Variants in THADA observed in about 807,000 individuals in gnomAD.
THADA encodes tRNA (32-2'-O)-methyltransferase regulator THADA.
In THADA, 213 loss-of-function variants were observed where a neutral mutation model predicts 219.8. That is an observed-to-expected ratio of 0.97 (90% confidence interval 0.87 to 1.09). THADA has a LOEUF of 1.09. Ranked by LOEUF, THADA falls within the 50% of genes least tolerant of loss-of-function variation. The probability of loss-of-function intolerance (pLI) is 0.00; values close to 1 mark genes in which losing one functional copy is unlikely to be tolerated. For missense variants in THADA, 2,956 were observed against 2,311.3 expected, an observed-to-expected ratio of 1.28 and a Z score of -5.72; for synonymous variants, 1,018 against 828.9, an observed-to-expected ratio of 1.23 and a Z score of -3.92.
chr2:43,286,609 T>C (rs932683053), intron 35 of THADA, among the ~76,000 whole-genome samples: 2 of 151,814 alleles, frequency 1.3e-5, no homozygotes, highest in Non-Finnish European at 2.9e-5. Flanking sequence ...GGTTTGGTGA[T>C]GGCTACTCAG....
intron 36 of THADA, among the ~76,000 whole-genome samples, chr2:43,256,971 G>C (rs1670381800): frequency 6.6e-6 from 1 of 152,184 alleles, no homozygotes; most frequent in Admixed American, 6.5e-5. Flanking sequence ...AATAGCTCAG[G>C]ATAGAGAGGA....
At chr2:43,293,299 T>C (rs1381603893) in intron 31 of THADA, 86 bp from the exon 32 acceptor site, 2 of 1,434,664 alleles carry the variant, frequency 1.4e-6, no homozygotes, top group Non-Finnish European at 1.9e-6. Flanking sequence ...CTGAATCCAC[T>C]GCGTGAGGCC....
intron 8 of THADA, among the ~76,000 whole-genome samples, chr2:43,581,055 AAG>A (rs1365888204): frequency 6.6e-6 from 1 of 152,218 alleles, no homozygotes; most frequent in Non-Finnish European, 1.5e-5. Context: ...ATGGGAGGTG[AAG>A]AGAGAAAGGA....
intron 36 of THADA, among the ~76,000 whole-genome samples, chr2:43,271,609 G>C (rs1288661109): frequency 1.4e-5 from 2 of 140,904 alleles, no homozygotes; most frequent in African/African-American, 5.6e-5. Context: ...TACACTCTTG[G>C]AACTTTTTTT....
rs184175853 is a variant in THADA at position 43,489,562 on chromosome 2, A to G, written c.3745-4237T>C. Among the ~76,000 whole-genome samples the G allele has an allele frequency of 3.9e-5, 6 of 152,258 alleles. No individual in the cohort carries two copies. The East Asian group carries it at 1.2e-3, about 29-fold the overall frequency. On this transcript the variant is annotated intron_variant, in intron 25 of 37. Coordinates refer to ENST00000405975, the MANE Select transcript of THADA (RefSeq NM_022065.5). ...ACATTTTGAGTCATCTGAATATGGT[A>G]TGAGATGGGGATCACATTCATTCTT...
At chr2:43,496,154 T>G (rs1003722092) in intron 25 of THADA, among the ~76,000 whole-genome samples, 1 of 152,180 alleles carries the variant, frequency 6.6e-6, no homozygotes, top group Non-Finnish European at 1.5e-5. Flanking sequence ...CTGCAGGTAA[T>G]GTATTAAGAT....
At chr2:43,590,644 C>CAAAAA (rs768406325) in intron 4 of THADA, among the ~76,000 whole-genome samples, 180 bp downstream of exon 4, 3 of 59,214 alleles carry the variant, frequency 5.1e-5, no homozygotes, top group Non-Finnish European at 6.7e-5. Flanking sequence ...GACTCCGTCT[C>CAAAAA]AAAAAAAAAA....
intron 29 of THADA, among the ~76,000 whole-genome samples, chr2:43,381,799 G>A (rs1259877259): frequency 1.3e-5 from 2 of 152,052 alleles, no homozygotes; most frequent in Non-Finnish European, 2.9e-5. Context: ...TGGCCATGCT[G>A]GTCTCAAACT....
intron 31 of THADA, among the ~76,000 whole-genome samples, chr2:43,301,361 C>T (rs1173152685): frequency 2.6e-5 from 4 of 152,240 alleles, no homozygotes; most frequent in African/African-American, 9.6e-5. Context: ...ATGAATGTTC[C>T]TGGCAGGCAG....
chr2:43,501,191 G>A (rs533874495), intron 24 of THADA, among the ~76,000 whole-genome samples: 7 of 149,772 alleles, frequency 4.7e-5, no homozygotes, highest in South Asian at 2.1e-4. Context: ...CTGTAATCCC[G>A]GCTACTCAGG....
chr2:43,482,652 A>G (rs1686373173), intron 26 of THADA, among the ~76,000 whole-genome samples: 1 of 152,176 alleles, frequency 6.6e-6, no homozygotes, highest in African/African-American at 2.4e-5. Flanking sequence ...TCATTAGGCA[A>G]TTATTCCTAT....
At chr2:43,509,572 G>T (rs749299009) in intron 22 of THADA, among the ~76,000 whole-genome samples, 3 of 152,022 alleles carry the variant, frequency 2.0e-5, no homozygotes, top group Non-Finnish European at 4.4e-5. Flanking sequence ...TTTAAGTTGA[G>T]GAAGAAAAGT....
intron 31 of THADA, among the ~76,000 whole-genome samples, chr2:43,306,641 G>A (rs887015395): frequency 1.3e-5 from 2 of 152,184 alleles, no homozygotes; most frequent in Non-Finnish European, 2.9e-5. Context: ...GAGGTTCCTG[G>A]CACCAAATCA....
chr2:43,409,394 C>T (rs1676004314), intron 28 of THADA, among the ~76,000 whole-genome samples: 1 of 150,184 alleles, frequency 6.7e-6, no homozygotes, highest in Non-Finnish European at 1.5e-5. Context: ...AAAAGAGCAA[C>T]AGATATTGAG....
rs527284143 is a variant in THADA, at chr2:43,571,804, G to C, written c.1967C>G (p.Ser656Cys). 6.2e-7 allele frequency: 1 copy of C among 1,613,876 alleles called. No homozygotes were observed. The highest frequency in any genetic ancestry group is 1.3e-5 in the African/African-American group (1 of 75,008). Residue 656 changes from serine to cysteine, a missense_variant, in exon 13 of 38, where the codon TCC becomes TGC. Ser to Cys is a moderately radical substitution (Grantham distance 112). Transcript: ENST00000405975. ...CTGAATCCACTGCATTTCTTCCATG[G>C]AAACAATTTCTGTGCTCCGATTACT... The part of the protein sequence containing the change: ...CESNRSTEIV[S>C]MEEMQWIQFF...
intron 28 of THADA, among the ~76,000 whole-genome samples, chr2:43,411,146 T>C (rs1676246450): frequency 6.6e-6 from 1 of 152,214 alleles, no homozygotes; most frequent in Non-Finnish European, 1.5e-5. Flanking sequence ...ATGTTCTGAA[T>C]CTTTCACATG....
chr2:43,284,472 G>C (rs1448530815), intron 35 of THADA, among the ~76,000 whole-genome samples: 1 of 152,194 alleles, frequency 6.6e-6, no homozygotes, highest in East Asian at 1.9e-4. Flanking sequence ...TGTGGTGTTG[G>C]GCCTGTGGGT....
chr2:43,471,945 T>C (rs1684957155), intron 26 of THADA, among the ~76,000 whole-genome samples: 2 of 152,212 alleles, frequency 1.3e-5, no homozygotes, highest in African/African-American at 4.8e-5. Flanking sequence ...TATTAGATCA[T>C]GCACACAAAC....
At chr2:43,562,104 ATGG>A (rs1167104094) in intron 15 of THADA, 1 of 152,168 alleles carries the variant, frequency 6.6e-6, no homozygotes, top group East Asian at 1.9e-4. Flanking sequence ...CCACTTACTA[ATGG>A]TATATAACAC....
Sources: gnomAD v4.1 joint callset for allele counts (sites outside exome capture counted in the v4.1 genomes callset) on GRCh38, gnomAD v4.1.1 for gene constraint, MANE v1.5 for transcripts, NCBI Gene and HGNC (gene_info 2026-07-23, HGNC 2026-07-21) for gene names.